Variants in RALGPS1 observed in about 807,000 individuals in gnomAD.
The protein encoded by RALGPS1 is ras-specific guanine nucleotide-releasing factor RalGPS1.
Under a neutral mutation model 78.8 loss-of-function variants are expected in RALGPS1, and 19 were observed. That is an observed-to-expected ratio of 0.24 (90% CI 0.17 to 0.35). The LOEUF (loss-of-function observed/expected upper bound fraction) is 0.35, where lower values mean the gene tolerates loss of function less well. Among genes scored for constraint, RALGPS1 ranks in the 10% least tolerant of loss-of-function variants. The pLI, the probability that RALGPS1 is intolerant of heterozygous loss-of-function variation, is 1.00. For synonymous variants in RALGPS1, 228 were observed against 256.3 expected (o/e 0.89, Z 1.06); for missense variants, 454 against 688.3 (o/e 0.66, Z 3.81).
chr9:127,117,322 G>A (rs1384318739), intron 8 of RALGPS1, among the ~76,000 whole-genome samples: 1 of 152,198 alleles, frequency 6.6e-6, no homozygotes, highest in East Asian at 1.9e-4. Context: ...TAAAAAGCAG[G>A]GCCAGGGCAG....
chr9:127,075,448 G>A (rs1476016988), intron 8 of RALGPS1, among the ~76,000 whole-genome samples: 2 of 152,214 alleles, frequency 1.3e-5, no homozygotes, highest in Non-Finnish European at 2.9e-5. Flanking sequence ...CCACCTGCAT[G>A]CATGTCTGGT....
At chr9:127,154,261 G>T (rs1028968751) in intron 8 of RALGPS1, among the ~76,000 whole-genome samples, 1 of 152,266 alleles carries the variant, frequency 6.6e-6, no homozygotes, top group Non-Finnish European at 1.5e-5. Context: ...GGGCCAGCTG[G>T]ATCTGGCCAG....
At chr9:127,159,209 T>C (rs2139369867) in intron 8 of RALGPS1, among the ~76,000 whole-genome samples, 1 of 152,304 alleles carries the variant, frequency 6.6e-6, no homozygotes, top group East Asian at 1.9e-4. Flanking sequence ...GTGCACGCTA[T>C]GCCATCCATT....
chr9:127,193,230 C>T (rs1235180197), intron 11 of RALGPS1, among the ~76,000 whole-genome samples: 1 of 152,128 alleles, frequency 6.6e-6, no homozygotes, highest in Non-Finnish European at 1.5e-5. Flanking sequence ...TGTGCATGGC[C>T]ACTGCAAGGG....
At chr9:127,187,742 A>G (rs961244339) in intron 11 of RALGPS1, among the ~76,000 whole-genome samples, 3 of 152,178 alleles carry the variant, frequency 2.0e-5, no homozygotes, top group African/African-American at 7.2e-5. Context: ...CACCCTCTAC[A>G]TGGATTTGTT....
At chr9:127,133,577 C>A (rs567656080) in intron 8 of RALGPS1, among the ~76,000 whole-genome samples, 1 of 152,218 alleles carries the variant, frequency 6.6e-6, no homozygotes, top group Non-Finnish European at 1.5e-5. Flanking sequence ...ACTCACCCAC[C>A]GGCCTGCCCT....
chr9:126,988,452 G>A (rs1410382436), intron 4 of RALGPS1, among the ~76,000 whole-genome samples: 1 of 152,174 alleles, frequency 6.6e-6, no homozygotes, highest in Non-Finnish European at 1.5e-5. Context: ...TGTTGCCCAG[G>A]CTAAAGTGCA....
chr9:126,919,274 C>A (rs188717031), intron 1 of RALGPS1, among the ~76,000 whole-genome samples: 2 of 152,310 alleles, frequency 1.3e-5, no homozygotes, highest in East Asian at 3.9e-4. Flanking sequence ...CCACCCCCCA[C>A]ACCCCAATGA....
chr9:127,057,554 C>G (rs2048846384), intron 7 of RALGPS1, among the ~76,000 whole-genome samples: 1 of 152,214 alleles, frequency 6.6e-6, no homozygotes, highest in Non-Finnish European at 1.5e-5. Flanking sequence ...TAAATGCCAT[C>G]TGCATACACA....
intron 1 of RALGPS1, among the ~76,000 whole-genome samples, chr9:126,932,061 A>G (rs1432166302): frequency 6.6e-6 from 1 of 152,102 alleles, no homozygotes; most frequent in Non-Finnish European, 1.5e-5. Flanking sequence ...CCATGGTGGA[A>G]ACCTTAGCAT....
intron 3 of RALGPS1, among the ~76,000 whole-genome samples, chr9:126,972,408 A>G (rs1175491455): frequency 2.0e-5 from 3 of 152,232 alleles, no homozygotes; most frequent in African/African-American, 7.2e-5. Flanking sequence ...GAAAGTGTCT[A>G]TTAAATTATT....
At chr9:127,167,046 C>T (rs1588284002) in intron 9 of RALGPS1, among the ~76,000 whole-genome samples, 1 of 152,034 alleles carries the variant, frequency 6.6e-6, no homozygotes, top group Non-Finnish European at 1.5e-5. Context: ...GGGGGTGGGG[C>T]TCTAGGCACC....
chr9:127,002,946 A>C lies in RALGPS1; in HGVS notation c.216+25201A>C, dbSNP rs1167867652. Among the ~76,000 whole-genome samples, 31 of 152,196 alleles carry C rather than the reference A, an allele frequency of 2.0e-4. No individual in the cohort carries two copies. In the East Asian group the frequency reaches 2.9e-3, roughly 14 times the overall value. On this transcript the variant is annotated intron_variant, in intron 4 of 18. Coordinates refer to ENST00000259351, the MANE Select transcript of RALGPS1 (RefSeq NM_014636.3). ...CTTTATAGCAGCATGATTTATAGTC[A>C]TTTGGGTATATACCCAGTAATGGGA... is the stretch of plus-strand genomic sequence containing the variant.
At chr9:126,945,899 A>G (rs946865828) in intron 1 of RALGPS1, among the ~76,000 whole-genome samples, 1 of 152,206 alleles carries the variant, frequency 6.6e-6, no homozygotes, top group African/African-American at 2.4e-5. Flanking sequence ...GAGAAGGGGA[A>G]GATGCATTCT....
chr9:127,210,453 A>G (rs2062179090), intron 14 of RALGPS1: 1 of 553,098 alleles, frequency 1.8e-6, no homozygotes. Context: ...AACACTCAAT[A>G]AAAAGTTGAA....
intron 10 of RALGPS1, 83 bp downstream of exon 10, chr9:127,168,855 C>T (rs1464251712): frequency 8.7e-7 from 1 of 1,155,302 alleles, no homozygotes; most frequent in Admixed American, 1.8e-5. Context: ...TGGCCTAGCC[C>T]TTGTTGGGAC....
chr9:127,068,079 A>G (rs2049869963), intron 7 of RALGPS1, among the ~76,000 whole-genome samples: 2 of 152,240 alleles, frequency 1.3e-5, no homozygotes, highest in Non-Finnish European at 2.9e-5. Context: ...CAGAGATCTC[A>G]GTCACAAAGG....
chr9:127,174,736 A>T lies in RALGPS1; in HGVS notation c.864A>T (p.Pro288=), dbSNP rs1232288709. 6.2e-7 allele frequency: 1 copy of T among 1,614,208 alleles called. No homozygotes were observed. Among genetic ancestry groups the T allele is most frequent in the Admixed American group, 1.7e-5 (1 of 60,036 alleles). Residue 288 remains proline (P), a synonymous_variant, in exon 11 of 19, where the codon CCA becomes CCT. Coordinates refer to ENST00000259351, the MANE Select transcript of RALGPS1 (RefSeq NM_014636.3). ...TCAGACTGTCGCTCAGAATCGAACC[A>T]GGAAGCAGCTCTCCAAGACTAGTCT... ...DNYKLSLRIE[P]GSSSPRLVSS...
chr9:127,196,509 G>A lies in RALGPS1; in HGVS notation c.1073G>A (p.Ser358Asn), dbSNP rs2061354758. ...MCQLSVVESKSATFPSEKARH... is the reference protein window; with the variant it reads ...MCQLSVVESKNATFPSEKARH... Reference sequence around the variant, plus strand: ...CAGTTGAGTGTAGTTGAGAGTAAAAGTGCGACATTCCCATCGGAGAAAGCA... The same window carrying A: ...CAGTTGAGTGTAGTTGAGAGTAAAAATGCGACATTCCCATCGGAGAAAGCA... Residue 358 changes from serine (S) to asparagine (N), a missense_variant, in exon 13 of 19, where the codon AGT becomes AAT. Ser to Asn is a conservative substitution (Grantham distance 46). Transcript: ENST00000259351. The A allele has an allele frequency of 3.7e-6, 6 of 1,614,096 alleles. No individual in the cohort carries two copies. Among genetic ancestry groups the A allele is most frequent in the Non-Finnish European group, 4.2e-6 (5 of 1,179,964 alleles).
Sources: gnomAD v4.1 joint callset for allele counts (sites outside exome capture counted in the v4.1 genomes callset) on GRCh38, gnomAD v4.1.1 for gene constraint, MANE v1.5 for transcripts, NCBI Gene and HGNC (gene_info 2026-07-23, HGNC 2026-07-21) for gene names.